SV2C: variants seen among roughly 807,000 people sequenced by gnomAD.
SV2C encodes the protein solute carrier family 22 member B3.
SV2C carries 49 observed loss-of-function variants against 79.7 expected under a neutral mutation model. The ratio of observed to expected loss-of-function variants is 0.61; its 90% confidence interval spans 0.49 to 0.78. The LOEUF (loss-of-function observed/expected upper bound fraction) is 0.78, where lower values mean the gene tolerates loss of function less well. Among genes scored for constraint, SV2C ranks in the 30% least tolerant of loss-of-function variants. The pLI is 0.00. For missense variants in SV2C, 833 were observed against 912.9 expected (o/e 0.91, Z 1.13); for synonymous variants, 334 against 333.2 (o/e 1.00, Z -0.03).
intron 2 of SV2C, among the ~76,000 whole-genome samples, chr5:76,154,333 A>G (rs933504361): frequency 6.6e-6 from 1 of 152,172 alleles, no homozygotes; most frequent in Non-Finnish European, 1.5e-5. Flanking sequence ...CTGTTAATGT[A>G]TAAAACCAGT....
chr5:75,922,491 A>T, the SV2C span, among the ~76,000 whole-genome samples: 8 of 152,380 alleles, frequency 5.3e-5, no homozygotes, highest in African/African-American at 1.9e-4. Flanking sequence ...AATAGAAGTA[A>T]GTAGTCTCAT....
chr5:76,341,013 T>C (rs2937734), intron 12 of SV2C, among the ~76,000 whole-genome samples: 97,974 of 149,358 alleles, frequency 0.66, 32,849 homozygotes, highest in East Asian at 0.91. Context: ...TCACTGCATC[T>C]TCTGCCTCCC....
intron 4 of SV2C, among the ~76,000 whole-genome samples, chr5:76,283,704 A>G (rs535521243): frequency 9.9e-5 from 15 of 152,240 alleles, no homozygotes; most frequent in Non-Finnish European, 2.2e-4. Flanking sequence ...CTATCTTCAT[A>G]TATTAAATTC....
chr5:75,978,310 C>T, the SV2C span, among the ~76,000 whole-genome samples: 2 of 152,182 alleles, frequency 1.3e-5, no homozygotes, highest in Non-Finnish European at 2.9e-5. Context: ...GCTGGATATT[C>T]CTCTCCTTCT....
chr5:75,862,012 T>C, the SV2C span, among the ~76,000 whole-genome samples: 1 of 152,334 alleles, frequency 6.6e-6, no homozygotes, highest in East Asian at 1.9e-4. Context: ...GATTGAATAA[T>C]TTTTATTTAC....
At chr5:76,199,490 G>A (rs1000633135) in intron 3 of SV2C, among the ~76,000 whole-genome samples, 1 of 152,202 alleles carries the variant, frequency 6.6e-6, no homozygotes, top group Non-Finnish European at 1.5e-5. Context: ...GTCTCAGAGA[G>A]TTTCCTGTTT....
intron 1 of SV2C, among the ~76,000 whole-genome samples, chr5:76,093,513 C>T (rs968401680): frequency 2.0e-5 from 3 of 152,210 alleles, no homozygotes; most frequent in Non-Finnish European, 4.4e-5. Flanking sequence ...CCCTCATGAG[C>T]AATTCTATCA....
At chr5:75,883,967 A>T in the SV2C span, among the ~76,000 whole-genome samples, 1 of 152,124 alleles carries the variant, frequency 6.6e-6, no homozygotes, top group Non-Finnish European at 1.5e-5. Context: ...AACTTTCACA[A>T]TGGTATTATT....
chr5:76,251,982 ATT>A (rs1217112628), intron 4 of SV2C, among the ~76,000 whole-genome samples: 1 of 152,220 alleles, frequency 6.6e-6, no homozygotes, highest in Non-Finnish European at 1.5e-5. Flanking sequence ...CCCAAAGATT[ATT>A]GTTATTATTT....
chr5:75,961,915 A>G, the SV2C span, among the ~76,000 whole-genome samples: 1 of 152,072 alleles, frequency 6.6e-6, no homozygotes, highest in South Asian at 2.1e-4. Flanking sequence ...CACTACTGGG[A>G]TGCAAAAATA....
intron 2 of SV2C, chr5:76,173,600 T>C (rs1339659185): frequency 6.3e-7 from 1 of 1,595,578 alleles, no homozygotes; most frequent in South Asian, 1.1e-5. Context: ...TCTTCAGACC[T>C]GGCTCAGAGC....
intron 1 of SV2C, among the ~76,000 whole-genome samples, chr5:76,109,117 G>A (rs1274608945): frequency 6.6e-6 from 1 of 152,214 alleles, no homozygotes; most frequent in Non-Finnish European, 1.5e-5. Flanking sequence ...AGCCTTAACT[G>A]CTTACTGTAT....
the SV2C span, among the ~76,000 whole-genome samples, chr5:75,913,552 C>T: frequency 1.6e-4 from 25 of 152,256 alleles, no homozygotes; most frequent in Middle Eastern, 0.01. Flanking sequence ...TCATAAAGTA[C>T]GTAGAGGTCC....
intron 3 of SV2C, among the ~76,000 whole-genome samples, chr5:76,204,276 AAG>A (rs1187074740): frequency 6.6e-6 from 1 of 152,220 alleles, no homozygotes; most frequent in East Asian, 1.9e-4. Context: ...TAAGAATTAA[AAG>A]AATATTTTTC....
rs1744009934 is a variant in SV2C, at chr5:76,188,934, TGTG to T, written c.581-5984_581-5982del. ...GGAGCAGGGACAACAGGGCAGCAGC[TGTG>T]AAAGCTTACACCTCAGTGATTAGGT... On this transcript the variant is annotated intron_variant, in intron 2 of 12. Coordinates refer to ENST00000502798, the MANE Select transcript of SV2C (RefSeq NM_014979.4). 2.0e-5 allele frequency among the ~76,000 whole-genome samples: 3 copies of T among 151,238 alleles called. No individual in the cohort carries two copies. The South Asian group carries it at 6.3e-4, about 32-fold the overall frequency.
the SV2C span, among the ~76,000 whole-genome samples, chr5:75,976,934 G>T: frequency 1.1e-4 from 16 of 152,082 alleles, no homozygotes; most frequent in Admixed American, 1.0e-3. Flanking sequence ...ATTAATTTCA[G>T]AAACAAATCA....
intron 4 of SV2C, among the ~76,000 whole-genome samples, chr5:76,237,989 CACATACAT>C (rs138814817): frequency 0.12 from 17,817 of 150,018 alleles, 3,077 homozygotes; most frequent in African/African-American, 0.38. Flanking sequence ...CACACACACA[CACATACAT>C]ACATACATAC....
chr5:75,882,685 C>G, the SV2C span, among the ~76,000 whole-genome samples: 1 of 151,874 alleles, frequency 6.6e-6, no homozygotes, highest in Non-Finnish European at 1.5e-5. Flanking sequence ...GCTGGGAAAA[C>G]AGGCTAGCCA....
chr5:76,179,038 T>C (rs1743632993), intron 2 of SV2C, among the ~76,000 whole-genome samples: 1 of 152,182 alleles, frequency 6.6e-6, no homozygotes, highest in South Asian at 2.1e-4. Context: ...CTGCCAGGAG[T>C]CAAATTGAAA....
Sources: gnomAD v4.1 joint callset for allele counts (sites outside exome capture counted in the v4.1 genomes callset) on GRCh38, gnomAD v4.1.1 for gene constraint, MANE v1.5 for transcripts, NCBI Gene and HGNC (gene_info 2026-07-23, HGNC 2026-07-21) for gene names.